EDIL3: variants seen among roughly 807,000 people sequenced by gnomAD.
EDIL3 encodes the protein EGF-like repeat and discoidin I-like domain-containing protein 3.
A neutral mutation model predicts 67.4 loss-of-function variants in EDIL3; 37 were observed. The ratio of observed to expected loss-of-function variants is 0.55; its 90% CI spans 0.42 to 0.72. EDIL3 has a LOEUF of 0.72. EDIL3 is among the 30% of genes least tolerant of loss of function. EDIL3 has a pLI of 0.00. For missense variants in EDIL3, 527 were observed against 586.3 expected, an observed-to-expected ratio of 0.90 and a Z score of 1.04; for synonymous variants, 195 against 196.3, an observed-to-expected ratio of 0.99 and a Z score of 0.05.
chr5:84,141,344 C>T (rs917735470), intron 4 of EDIL3, among the ~76,000 whole-genome samples: 5 of 150,294 alleles, frequency 3.3e-5, no homozygotes, highest in Admixed American at 2.7e-4. Context: ...ACTTTGCTGC[C>T]AACCTTCTTG....
intron 1 of EDIL3, among the ~76,000 whole-genome samples, chr5:84,371,337 A>G (rs1175922643): frequency 7.0e-6 from 1 of 143,656 alleles, no homozygotes; most frequent in African/African-American, 2.6e-5. Flanking sequence ...ATATATATAT[A>G]TATATGTGTG....
chr5:84,141,956 T>TATATATATATATATATACATAG, intron 4 of EDIL3, among the ~76,000 whole-genome samples: 1 of 65,054 alleles, frequency 1.5e-5, no homozygotes, highest in African/African-American at 5.0e-5. Flanking sequence ...TACATAGATC[T>TATATATATATATATATACATAG]ATCTATCTAT....
chr5:84,295,653 T>C (rs1451100981), intron 1 of EDIL3, among the ~76,000 whole-genome samples: 1 of 152,046 alleles, frequency 6.6e-6, no homozygotes, highest in Non-Finnish European at 1.5e-5. Context: ...TTTAAACATA[T>C]TACTCTTAAA....
At chr5:84,089,515 T>C (rs73136213) in intron 6 of EDIL3, among the ~76,000 whole-genome samples, 299 of 152,290 alleles carry the variant, frequency 2.0e-3, no homozygotes, top group African/African-American at 7.0e-3. Flanking sequence ...TGCTCATAGG[T>C]TCCCCTCTCT....
chr5:83,975,968 C>T (rs933072402), intron 9 of EDIL3, among the ~76,000 whole-genome samples: 1 of 151,800 alleles, frequency 6.6e-6, no homozygotes, highest in Admixed American at 6.6e-5. Context: ...AAATCTGTTA[C>T]ATTTCAAGAA....
At chr5:84,112,158 G>A (rs962848177) in intron 5 of EDIL3, among the ~76,000 whole-genome samples, 2 of 152,026 alleles carry the variant, frequency 1.3e-5, no homozygotes, top group Non-Finnish European at 2.9e-5. Flanking sequence ...TTAGTGATGG[G>A]GAGTTTTTGA....
At chr5:84,005,152 A>G (rs975968867) in intron 9 of EDIL3, among the ~76,000 whole-genome samples, 1 of 152,156 alleles carries the variant, frequency 6.6e-6, no homozygotes, top group Non-Finnish European at 1.5e-5. Context: ...AACCCTGAAC[A>G]GATCAATAAT....
intron 9 of EDIL3, among the ~76,000 whole-genome samples, chr5:84,037,166 A>G (rs1159063262): frequency 6.6e-6 from 1 of 152,178 alleles, no homozygotes; most frequent in Non-Finnish European, 1.5e-5. Flanking sequence ...CCCTATGGGT[A>G]TGAAGTGACC....
chr5:84,191,428 A>G (rs1392743959), intron 3 of EDIL3, among the ~76,000 whole-genome samples: 1 of 152,058 alleles, frequency 6.6e-6, no homozygotes, highest in Non-Finnish European at 1.5e-5. Context: ...AGCTGAGAAC[A>G]TTGGAAGCAC....
At chr5:84,240,468 G>A (rs1436966085) in intron 2 of EDIL3, among the ~76,000 whole-genome samples, 3 of 152,162 alleles carry the variant, frequency 2.0e-5, no homozygotes, top group Admixed American at 2.0e-4. Flanking sequence ...ACCGGTATGG[G>A]TCCCTGGCCT....
At chr5:84,236,663 G>A (rs930745230) in intron 2 of EDIL3, among the ~76,000 whole-genome samples, 71 of 152,164 alleles carry the variant, frequency 4.7e-4, no homozygotes, top group African/African-American at 1.5e-3. Context: ...CTTCCTTGGA[G>A]GGCAAATGTT....
At chr5:84,149,973 A>C (rs781677157) in intron 4 of EDIL3, among the ~76,000 whole-genome samples, 4 of 152,116 alleles carry the variant, frequency 2.6e-5, no homozygotes, top group Non-Finnish European at 5.9e-5. Flanking sequence ...TAGTTAGTCT[A>C]AAATAGATGT....
intron 1 of EDIL3, among the ~76,000 whole-genome samples, chr5:84,315,203 C>G (rs1180585321): frequency 6.6e-6 from 1 of 152,174 alleles, no homozygotes; most frequent in East Asian, 1.9e-4. Flanking sequence ...CTGCACTTTG[C>G]TGCTTAGCTT....
At chr5:84,089,772 CT>C (rs1356912546) in intron 6 of EDIL3, among the ~76,000 whole-genome samples, 1 of 152,170 alleles carries the variant, frequency 6.6e-6, no homozygotes, top group African/African-American at 2.4e-5. Context: ...ATATGCAACT[CT>C]TCACTATAAT....
chr5:84,249,517 A>T (rs1744982012), intron 2 of EDIL3, among the ~76,000 whole-genome samples: 1 of 152,098 alleles, frequency 6.6e-6, no homozygotes, highest in African/African-American at 2.4e-5. Context: ...TCATCTAAAC[A>T]GCAACTTGTT....
At chr5:84,376,457 C>G (rs1339514928) in intron 1 of EDIL3, among the ~76,000 whole-genome samples, 1 of 152,146 alleles carries the variant, frequency 6.6e-6, no homozygotes, top group Non-Finnish European at 1.5e-5. Flanking sequence ...TTAGAAGCAG[C>G]TTTTCTTTTA....
intron 9 of EDIL3, among the ~76,000 whole-genome samples, chr5:83,964,443 T>C (rs933637371): frequency 2.0e-5 from 3 of 151,910 alleles, no homozygotes; most frequent in Non-Finnish European, 4.4e-5. Flanking sequence ...ATCCCATGTG[T>C]GATCTTGGTG....
intron 9 of EDIL3, among the ~76,000 whole-genome samples, chr5:84,019,757 T>C (rs1051155786): frequency 2.6e-5 from 4 of 151,888 alleles, no homozygotes; most frequent in African/African-American, 9.7e-5. Context: ...TTGTGAAGAG[T>C]TGATAGGCAA....
intron 8 of EDIL3, among the ~76,000 whole-genome samples, chr5:84,060,864 A>T (rs1746531025): frequency 6.6e-6 from 1 of 152,202 alleles, no homozygotes; most frequent in South Asian, 2.1e-4. Context: ...TAAAAATGGG[A>T]CATTTTCTCA....
Sources: gnomAD v4.1 joint callset for allele counts (sites outside exome capture counted in the v4.1 genomes callset) on GRCh38, gnomAD v4.1.1 for gene constraint, MANE v1.5 for transcripts, NCBI Gene and HGNC (gene_info 2026-07-23, HGNC 2026-07-21) for gene names.